Variants in CAPN14 observed in about 807,000 individuals in gnomAD.
CAPN14 encodes calpain-14.
CAPN14 carries 94 observed loss-of-function variants against 101.3 expected under a neutral mutation model. That is an observed-to-expected ratio of 0.93 (90% CI 0.79 to 1.10). The LOEUF (loss-of-function observed/expected upper bound fraction) is 1.10, where lower values mean the gene tolerates loss of function less well. Ranked by LOEUF, CAPN14 falls within the 50% of genes least tolerant of loss-of-function variation. The pLI, the probability that CAPN14 is intolerant of heterozygous loss-of-function variation, is 0.00. For missense variants in CAPN14, 837 were observed against 828.4 expected, an observed-to-expected ratio of 1.01 and a Z score of -0.13; for synonymous variants, 338 against 317.9, an observed-to-expected ratio of 1.06 and a Z score of -0.67.
rs368990069 is a variant in CAPN14, at chr2:31,193,263, C to T, written c.982G>A (p.Val328Met). ...MTLQDFKTHF[V>M]LLVICKLTPG... ...GTCAGTTTACAGATAACCAGGAGCA[C>T]GAAATGTGTTTTAAAGTCCTGCAGC... Residue 328 changes from valine to methionine, a missense_variant, in exon 10 of 22, where the codon GTG becomes ATG. Physicochemically the swap from Val to Met is conservative, Grantham distance 21. Coordinates refer to ENST00000403897, the MANE Select transcript of CAPN14 (RefSeq NM_001145122.2). 192 of 1,551,736 alleles carry T rather than the reference C, an allele frequency of 1.2e-4. No individual in the cohort carries two copies. The African/African-American group carries it at 1.5e-3, about 12-fold the overall frequency.
chr2:31,196,879 T>G (rs1008013011), intron 8 of CAPN14, among the ~76,000 whole-genome samples: 21 of 152,182 alleles, frequency 1.4e-4, no homozygotes, highest in Non-Finnish European at 2.5e-4. Flanking sequence ...AGACCTTGGT[T>G]GAGTCATGCT....
chr2:31,182,741 G>A (rs1167977411), intron 16 of CAPN14, among the ~76,000 whole-genome samples: 2 of 150,692 alleles, frequency 1.3e-5, no homozygotes, highest in African/African-American at 5.0e-5. Flanking sequence ...AATCAATATC[G>A]TGAAAATGGC....
chr2:31,197,819 C>CT (rs1348388664), intron 7 of CAPN14, among the ~76,000 whole-genome samples: 4 of 152,092 alleles, frequency 2.6e-5, no homozygotes, highest in Admixed American at 1.3e-4. Context: ...GTAGACCAAG[C>CT]CAAGGAACAC....
chr2:31,232,524 T>G (rs759589490), intron 1 of CAPN14, among the ~76,000 whole-genome samples: 1 of 152,196 alleles, frequency 6.6e-6, no homozygotes, highest in African/African-American at 2.4e-5. Flanking sequence ...CAGTTCTGCA[T>G]GCCTAGAGAG....
At position 31,192,087 on chromosome 2, in the gene CAPN14, T is replaced by C. The variant is rs780393089; in HGVS notation, c.1126A>G (p.Lys376Glu). Residue 376 changes from lysine (K) to glutamate (E), a missense_variant, in exon 11 of 22, where the codon AAG becomes GAG. Lys to Glu is a moderately conservative substitution (Grantham distance 56). Transcript: ENST00000403897. Reference sequence around the variant, plus strand: ...ACAGACAGCAGGAACTGCGGGTTCTTCCAAAATGTGTCTGGAGCAGAACAC... The same window carrying C: ...ACAGACAGCAGGAACTGCGGGTTCTCCCAAAATGTGTCTGGAGCAGAACAC... Reference protein sequence around the residue: ...QRQLLQDTFWKNPQFLLSVWR... With the variant: ...QRQLLQDTFWENPQFLLSVWR... 13 of 1,548,414 alleles carry C rather than the reference T, an allele frequency of 8.4e-6. No homozygotes were observed. In the South Asian group the frequency reaches 1.6e-4, roughly 19 times the overall value.
intron 2 of CAPN14, among the ~76,000 whole-genome samples, chr2:31,203,565 A>C (rs1681908328): frequency 6.6e-6 from 1 of 151,768 alleles, no homozygotes; most frequent in Admixed American, 6.6e-5. Context: ...GCAGCCTGTG[A>C]TGGGGTGGTA....
chr2:31,179,045 A>T (rs1680453246), intron 17 of CAPN14, among the ~76,000 whole-genome samples: 1 of 135,080 alleles, frequency 7.4e-6, no homozygotes, highest in African/African-American at 2.9e-5. Context: ...TCTTCTTAAC[A>T]TCCTTTATTG....
chr2:31,211,920 A>G (rs913354472), intron 1 of CAPN14, among the ~76,000 whole-genome samples: 23 of 152,200 alleles, frequency 1.5e-4, no homozygotes, highest in Non-Finnish European at 1.5e-5. Flanking sequence ...TTGCTCAGGA[A>G]GGAGTGCAAA....
intron 5 of CAPN14, 132 bp downstream of exon 5, chr2:31,201,730 C>G: frequency 1.7e-6 from 2 of 1,179,954 alleles, no homozygotes; most frequent in Non-Finnish European, 2.3e-6. Context: ...AATACGTTGT[C>G]ACTTCTATGT....
chr2:31,175,883 G>A (rs944562119), intron 21 of CAPN14, among the ~76,000 whole-genome samples: 15 of 152,226 alleles, frequency 9.9e-5, no homozygotes, highest in African/African-American at 3.4e-4. Flanking sequence ...ATTACCTAGC[G>A]CTACACCTGG....
At chr2:31,197,168 C>G in intron 8 of CAPN14, 81 bp downstream of exon 8, 1 of 924,404 alleles carries the variant, frequency 1.1e-6, no homozygotes, top group South Asian at 1.5e-5. Flanking sequence ...AGAAAGCACA[C>G]ATTTGAATCT....
rs754888595 is a variant in CAPN14, at chr2:31,233,468, T to C, written c.-177+323A>G. ...GGAGTGACTCCTCCCTGTATTCCCA[T>C]GACCCTCTGCTCATGCCTCCTCTTT... On this transcript the variant is annotated intron_variant and NMD_transcript_variant, in intron 1 of 21. Transcript: ENST00000398824. Among the ~76,000 whole-genome samples, 29 of 152,340 alleles carry C rather than the reference T, an allele frequency of 1.9e-4. No individual in the cohort carries two copies. In the Middle Eastern group the frequency reaches 0.017, roughly 89 times the overall value.
chr2:31,181,506 C>G (rs550750938), intron 16 of CAPN14, among the ~76,000 whole-genome samples: 1 of 93,924 alleles, frequency 1.1e-5, no homozygotes, highest in Non-Finnish European at 2.0e-5. Flanking sequence ...TCCTTTCTTT[C>G]TTTCTTTTTT....
chr2:31,187,657 C>A (rs931400144), intron 15 of CAPN14, 101 bp downstream of exon 15: 14 of 1,021,390 alleles, frequency 1.4e-5, no homozygotes, highest in Non-Finnish European at 1.9e-5. Flanking sequence ...ATCACAGTTT[C>A]TAAGCAGCCT....
intron 18 of CAPN14, 40 bp downstream of exon 18, chr2:31,178,469 TAC>T: frequency 1.4e-6 from 2 of 1,462,238 alleles, no homozygotes; most frequent in Non-Finnish European, 1.9e-6. Flanking sequence ...CTGCCATTCC[TAC>T]ACCATCTTCC....
rs551270172 is a variant in CAPN14 at position 31,177,085 on chromosome 2, C to G, written c.1913G>C (p.Arg638Pro). Residue 638 changes from arginine (R) to proline (P), a missense_variant, in exon 20 of 22, where the codon CGC becomes CCC. Transcript: ENST00000403897. Reference protein sequence around the residue: ...QLMLIRYGGPRLQMDFVSFIH... With the variant: ...QLMLIRYGGPPLQMDFVSFIH... ...GAAACTGACAAAGTCCATCTGGAGGCGGGGGCCGCCGTAGCGGATGAGCAT... is the reference window on the plus strand; with the variant it reads ...GAAACTGACAAAGTCCATCTGGAGGGGGGGGCCGCCGTAGCGGATGAGCAT... 4 of 1,551,292 alleles carry G rather than the reference C, an allele frequency of 2.6e-6. No individual in the cohort carries two copies. The Admixed American group carries it at 7.8e-5, about 30-fold the overall frequency.
chr2:31,216,243 C>G (rs1045208584), intron 1 of CAPN14, among the ~76,000 whole-genome samples: 1 of 152,142 alleles, frequency 6.6e-6, no homozygotes, highest in Admixed American at 6.5e-5. Context: ...TAGAAATTAG[C>G]TTAGTGGTTA....
chr2:31,215,983 A>G (rs1381571019), intron 1 of CAPN14, among the ~76,000 whole-genome samples: 1 of 152,188 alleles, frequency 6.6e-6, no homozygotes, highest in Non-Finnish European at 1.5e-5. Context: ...CATGTACAAG[A>G]ATACTCACAA....
In CAPN14 at chr2:31,193,309, A is replaced by G. The variant is rs1681301811; in HGVS notation, c.951-15T>C. On this transcript the variant is annotated splice_polypyrimidine_tract_variant and intron_variant, in intron 9 of 21. Coordinates refer to ENST00000403897, the MANE Select transcript of CAPN14 (RefSeq NM_001145122.2). ...GCAGCGTCATCCTGTGGAGAGAAGA[A>G]GGAAAAGCACAAAGAGATGGACCAG... 6.4e-7 allele frequency: 1 copy of G among 1,550,852 alleles called. No homozygotes were observed. Among genetic ancestry groups the G allele is most frequent in the African/African-American group, 1.4e-5 (1 of 73,042 alleles).
Sources: allele counts gnomAD v4.1 joint callset (sites outside exome capture counted in the v4.1 genomes callset), GRCh38; gene constraint gnomAD v4.1.1; transcripts MANE v1.5; gene names NCBI Gene and HGNC (gene_info 2026-07-23, HGNC 2026-07-21).